CADM2: variants seen among roughly 807,000 people sequenced by gnomAD.
The protein encoded by CADM2 is cell adhesion molecule 2.
Under a neutral mutation model 49.8 loss-of-function variants are expected in CADM2, and 12 were observed. The observed-to-expected ratio is 0.24, with a 90% CI of 0.15 to 0.39. The LOEUF is 0.39. CADM2 is among the 10% of genes least tolerant of loss of function. CADM2 has a pLI of 1.00. For missense variants in CADM2, 378 were observed against 492.3 expected (o/e 0.77, Z 2.20); for synonymous variants, 214 against 175.4 (o/e 1.22, Z -1.74).
At chr3:85,166,605 A>G (rs9832814) in intron 1 of CADM2, among the ~76,000 whole-genome samples, 34,391 of 151,862 alleles carry the variant, frequency 0.23, 6,546 homozygotes, top group African/African-American at 0.53. Context: ...TAATTAATGC[A>G]TATAAAATTT....
intron 1 of CADM2, among the ~76,000 whole-genome samples, chr3:84,992,895 C>T (rs1027236738): frequency 2.0e-5 from 3 of 152,028 alleles, no homozygotes; most frequent in Admixed American, 6.6e-5. Flanking sequence ...GAGGTAGAGA[C>T]GAGCAGCCTT....
At chr3:85,922,085 A>G (rs1375732278) in intron 6 of CADM2, among the ~76,000 whole-genome samples, 2 of 151,510 alleles carry the variant, frequency 1.3e-5, no homozygotes, top group Non-Finnish European at 2.9e-5. Context: ...CAGATTCATC[A>G]TCATCTTCTT....
At chr3:85,493,218 T>A (rs939219684) in intron 1 of CADM2, among the ~76,000 whole-genome samples, 1 of 152,166 alleles carries the variant, frequency 6.6e-6, no homozygotes, top group Non-Finnish European at 1.5e-5. Flanking sequence ...GATAAGGTTT[T>A]AAAGTTTTTC....
At chr3:85,501,065 G>A (rs1176038638) in intron 1 of CADM2, among the ~76,000 whole-genome samples, 1 of 151,990 alleles carries the variant, frequency 6.6e-6, no homozygotes, top group Non-Finnish European at 1.5e-5. Context: ...AAATATAAAC[G>A]AATGTCACCA....
Position 86,071,907 on chromosome 3 carries a change from G to A in CADM2, c.*5124G>A, listed in dbSNP as rs1238774526. ...CAATCTGATATTTAATTTTTAAAAT[G>A]TAACAATTTCTTATAAATTCATGCT... On this transcript the variant is annotated 3_prime_UTR_variant, in exon 10 of 10. Coordinates refer to ENST00000383699, the MANE Select transcript of CADM2 (RefSeq NM_001167675.2). 1 of 151,862 alleles carries A rather than the reference G, an allele frequency of 6.6e-6. No individual in the cohort carries two copies. The highest frequency in any genetic ancestry group is 2.4e-5 in the African/African-American group (1 of 41,404). 9.4% of individuals were successfully genotyped at this position (151,862 alleles called of 1,614,324 possible).
chr3:85,570,335 A>T (rs565803335), intron 1 of CADM2, among the ~76,000 whole-genome samples: 1 of 152,270 alleles, frequency 6.6e-6, no homozygotes, highest in African/African-American at 2.4e-5. Context: ...GAAGAGCACC[A>T]AATATTACAG....
intron 8 of CADM2, among the ~76,000 whole-genome samples, chr3:86,000,860 G>C (rs1268396551): frequency 6.6e-6 from 1 of 152,060 alleles, no homozygotes; most frequent in Non-Finnish European, 1.5e-5. Context: ...AAGGAAGAGG[G>C]AAAGAGAGAG....
chr3:85,696,048 A>G (rs1354166468), intron 1 of CADM2, among the ~76,000 whole-genome samples: 2 of 151,654 alleles, frequency 1.3e-5, no homozygotes, highest in South Asian at 2.1e-4. Context: ...TCATATGTTT[A>G]TTTTCCATTT....
intron 1 of CADM2, among the ~76,000 whole-genome samples, chr3:85,354,338 C>T (rs2031636030): frequency 8.4e-6 from 1 of 119,520 alleles, no homozygotes; most frequent in South Asian, 2.8e-4. Context: ...GAACATCACA[C>T]TCCGGGGACT....
chr3:85,348,046 T>C (rs2030945420), intron 1 of CADM2, among the ~76,000 whole-genome samples: 3 of 152,108 alleles, frequency 2.0e-5, no homozygotes, highest in African/African-American at 2.4e-5. Flanking sequence ...TGAACCTCAA[T>C]TGATCTGCCT....
intron 1 of CADM2, among the ~76,000 whole-genome samples, chr3:85,439,225 C>T (rs1035316075): frequency 4.0e-5 from 6 of 149,182 alleles, no homozygotes; most frequent in African/African-American, 1.5e-4. Context: ...GCAATTTGAA[C>T]TCACCGCAAC....
intron 2 of CADM2, among the ~76,000 whole-genome samples, chr3:85,770,509 G>T (rs1021204467): frequency 6.6e-6 from 1 of 151,994 alleles, no homozygotes; most frequent in East Asian, 1.9e-4. Context: ...TGTAGATAAA[G>T]TGTCTCACTA....
chr3:85,263,159 G>A (rs2043049547), intron 1 of CADM2, among the ~76,000 whole-genome samples: 1 of 151,702 alleles, frequency 6.6e-6, no homozygotes, highest in Admixed American at 6.6e-5. Context: ...TGCCTGGCTA[G>A]CTTTTTTGTG....
intron 1 of CADM2, among the ~76,000 whole-genome samples, chr3:85,610,295 A>G (rs1013642909): frequency 5.9e-5 from 9 of 152,128 alleles, no homozygotes; most frequent in African/African-American, 2.2e-4. Context: ...ATCTAAATAC[A>G]TTGTGAATAC....
intron 1 of CADM2, among the ~76,000 whole-genome samples, chr3:85,013,599 C>A (rs2034099827): frequency 6.6e-6 from 1 of 151,326 alleles, no homozygotes; most frequent in Non-Finnish European, 1.5e-5. Context: ...ACAATTGTAG[C>A]TAACAAAATC....
chr3:85,907,503 G>A (rs1246529800), intron 5 of CADM2, among the ~76,000 whole-genome samples: 1 of 152,240 alleles, frequency 6.6e-6, no homozygotes, highest in East Asian at 1.9e-4. Flanking sequence ...ATCCTGCCTT[G>A]TTCCCAGTGT....
chr3:85,587,247 G>A (rs1316048763), intron 1 of CADM2, among the ~76,000 whole-genome samples: 4 of 152,030 alleles, frequency 2.6e-5, no homozygotes, highest in Non-Finnish European at 5.9e-5. Flanking sequence ...AGACATAAAC[G>A]AAGCCCAAGA....
intron 2 of CADM2, among the ~76,000 whole-genome samples, chr3:85,762,515 T>C (rs1449813595): frequency 6.6e-6 from 1 of 151,756 alleles, no homozygotes; most frequent in Non-Finnish European, 1.5e-5. Flanking sequence ...CCTAGTTACC[T>C]ACACCTCCAG....
At chr3:85,347,540 T>C (rs1349503514) in intron 1 of CADM2, among the ~76,000 whole-genome samples, 1 of 146,568 alleles carries the variant, frequency 6.8e-6, no homozygotes, top group Admixed American at 6.9e-5. Flanking sequence ...TATACACACA[T>C]ATATAAATAT....
Sources: allele counts gnomAD v4.1 joint callset (sites outside exome capture counted in the v4.1 genomes callset), GRCh38; gene constraint gnomAD v4.1.1; transcripts MANE v1.5; gene names NCBI Gene and HGNC (gene_info 2026-07-23, HGNC 2026-07-21).